Variants in SKI observed in about 807,000 individuals in gnomAD.
SKI encodes the protein SKI proto-oncogene.
Under a neutral mutation model 59.3 loss-of-function variants are expected in SKI, and 23 were observed. The ratio of observed to expected loss-of-function variants is 0.39; its 90% CI spans 0.28 to 0.55. SKI has a LOEUF of 0.55. Ranked by LOEUF, SKI falls within the 20% of genes least tolerant of loss-of-function variation. The pLI is 0.67. For missense variants in SKI, 1,017 were observed against 1,038.9 expected (o/e 0.98, Z 0.29); for synonymous variants, 673 against 488.6 (o/e 1.38, Z -4.98).
intron 1 of SKI, among the ~76,000 whole-genome samples, chr1:2,274,815 G>T (rs1639705663): frequency 6.6e-6 from 1 of 152,192 alleles, no homozygotes; most frequent in African/African-American, 2.4e-5. Flanking sequence ...AGGGCCGGCT[G>T]CTGCCCCTTG....
At chr1:2,237,376 G>A (rs1166320668) in intron 1 of SKI, among the ~76,000 whole-genome samples, 1 of 152,252 alleles carries the variant, frequency 6.6e-6, no homozygotes, top group East Asian at 1.9e-4. Context: ...CTGCGGCTGT[G>A]CCGGTGGTTT....
chr1:2,254,413 G>A (rs1243528484), intron 1 of SKI, among the ~76,000 whole-genome samples: 1 of 152,228 alleles, frequency 6.6e-6, no homozygotes, highest in East Asian at 1.9e-4. Context: ...GTCCCAAACA[G>A]CCCTGAAATG....
At position 2,307,137 on chromosome 1, in the gene SKI, C is replaced by G. The variant is rs1184311414; in HGVS notation, c.*372C>G. 6.3e-6 allele frequency: 1 copy of G among 159,184 alleles called. No homozygotes were observed. The highest frequency in any genetic ancestry group is 2.4e-5 in the African/African-American group (1 of 41,730). 9.9% of individuals were successfully genotyped at this position (159,184 alleles called of 1,614,324 possible). On this transcript the variant is annotated 3_prime_UTR_variant, in exon 7 of 7. Transcript: ENST00000378536. ...TTAAATGACTAACTTCTAAAAGCCC[C>G]AACACATGACGCCATCTGAAGACCC...
In SKI at chr1:2,228,932, G is replaced by A; in HGVS notation, c.166G>A (p.Gly56Ser). Reference sequence around the variant, plus strand: ...CAAGAAGGAGAGCGCCAAGGAGGCGGGCGCGGCCGCGGTGCCGGCGCCGGT... The same window carrying A: ...CAAGAAGGAGAGCGCCAAGGAGGCGAGCGCGGCCGCGGTGCCGGCGCCGGT... The part of the protein sequence containing the change: ...AYKKESAKEA[G>S]AAAVPAPVPA... The change falls in exon 1 of 7, where the codon GGC (glycine) becomes AGC (serine). Residue 56 changes from glycine (G) to serine (S), a missense_variant. Physicochemically the swap from Gly to Ser is moderately conservative, Grantham distance 56 (BLOSUM62 0). Transcript: ENST00000378536. 2 of 1,384,544 alleles carry A rather than the reference G, an allele frequency of 1.4e-6. No individual in the cohort carries two copies. Among genetic ancestry groups the A allele is most frequent in the South Asian group, 2.9e-5 (2 of 69,706 alleles). 85.8% of individuals were successfully genotyped at this position (1,384,544 alleles called of 1,614,324 possible).
chr1:2,252,180 A>G (rs1263512968), intron 1 of SKI, among the ~76,000 whole-genome samples: 1 of 152,196 alleles, frequency 6.6e-6, no homozygotes, highest in Non-Finnish European at 1.5e-5. Context: ...CTCCAGTTTA[A>G]TAACAAACTT....
chr1:2,289,221 G>A (rs1177659380), intron 1 of SKI, among the ~76,000 whole-genome samples: 1 of 152,208 alleles, frequency 6.6e-6, no homozygotes, highest in African/African-American at 2.4e-5. Context: ...TCTCTAGGCA[G>A]GGAGCTCAGA....
intron 1 of SKI, among the ~76,000 whole-genome samples, chr1:2,235,854 C>T (rs912521231): frequency 2.6e-5 from 4 of 152,222 alleles, no homozygotes; most frequent in Non-Finnish European, 4.4e-5. Flanking sequence ...GCCTGTGGCC[C>T]TCAGCATGTG....
chr1:2,298,535 C>T (rs547067059), intron 1 of SKI, among the ~76,000 whole-genome samples: 33 of 152,180 alleles, frequency 2.2e-4, no homozygotes, highest in Non-Finnish European at 3.8e-4. Context: ...TGAGCAGAGG[C>T]GGGACCCTGC....
intron 1 of SKI, among the ~76,000 whole-genome samples, chr1:2,285,015 T>G (rs1640006282): frequency 1.3e-5 from 2 of 152,116 alleles, no homozygotes; most frequent in African/African-American, 4.8e-5. Flanking sequence ...CTTGCTAAAG[T>G]TTTATGATTT....
intron 1 of SKI, among the ~76,000 whole-genome samples, chr1:2,234,394 G>A (rs1332258051): frequency 2.6e-5 from 4 of 152,200 alleles, no homozygotes; most frequent in African/African-American, 7.2e-5. Context: ...ACGGTGGGGG[G>A]GCTAGTCCTC....
chr1:2,229,615 C>G lies in SKI; in HGVS notation c.849C>G (p.Ala283=), dbSNP rs751646892. 1 of 1,612,510 alleles carries G rather than the reference C, an allele frequency of 6.2e-7. No individual in the cohort carries two copies. The highest frequency in any genetic ancestry group is 1.7e-5 in the Admixed American group (1 of 60,010). The change falls in exon 1 of 7, where the codon GCC becomes GCG. Residue 283 remains alanine, a synonymous_variant. Coordinates refer to ENST00000378536, the MANE Select transcript of SKI (RefSeq NM_003036.4). This position sits in a 1 kb window ranked among gnomAD's most constrained non-coding sequence, Gnocchi z 6.3. The part of the protein sequence containing the change: ...HWGFDSANWR[A]YILLSQDYTG... ...GCTTCGACTCGGCCAACTGGCGGGCCTACATCCTGCTGAGCCAGGATTACA... is the reference window on the plus strand; with the variant it reads ...GCTTCGACTCGGCCAACTGGCGGGCGTACATCCTGCTGAGCCAGGATTACA...
chr1:2,302,512 G>A (rs1312192734), intron 1 of SKI, among the ~76,000 whole-genome samples: 1 of 152,152 alleles, frequency 6.6e-6, no homozygotes, highest in Admixed American at 6.5e-5. Flanking sequence ...CGTCGTGAGT[G>A]GCTCTCGCCG....
chr1:2,304,706 C>T, intron 5 of SKI, 121 bp downstream of exon 5: 1 of 1,424,502 alleles, frequency 7.0e-7, no homozygotes, highest in South Asian at 1.5e-5. Flanking sequence ...CTCCTCTCTG[C>T]CTCCACCTCA....
intron 1 of SKI, among the ~76,000 whole-genome samples, chr1:2,292,582 G>A (rs1640184928): frequency 6.6e-6 from 1 of 152,208 alleles, no homozygotes; most frequent in South Asian, 2.1e-4. Flanking sequence ...TGATGGAGGG[G>A]TGTGTACCTG....
intron 1 of SKI, among the ~76,000 whole-genome samples, chr1:2,234,472 C>T (rs990365602): frequency 6.6e-6 from 1 of 152,168 alleles, no homozygotes; most frequent in African/African-American, 2.4e-5. Flanking sequence ...TCTGAGTCTC[C>T]GGGTGAGGGC....
rs115956662 is a variant in SKI, at chr1:2,284,877, C to T, written c.970-18101C>T. On this transcript the variant is annotated intron_variant, in intron 1 of 6. Coordinates refer to ENST00000378536, the MANE Select transcript of SKI (RefSeq NM_003036.4). ...TCTCACTGAGGGTCTGACCCTGCTC[C>T]GCAGTGCAGTGTGGAGGTGGTTTTG... Among the ~76,000 whole-genome samples, 287 of 152,338 alleles carry T rather than the reference C, an allele frequency of 1.9e-3. 1 individual carries two copies. The highest frequency in any genetic ancestry group is 6.3e-3 in the African/African-American group (260 of 41,576).
chr1:2,249,735 C>T (rs1291362645), intron 1 of SKI, among the ~76,000 whole-genome samples: 2 of 152,228 alleles, frequency 1.3e-5, no homozygotes, highest in Admixed American at 1.3e-4. Flanking sequence ...TGGGGCCTCC[C>T]TGTCCTGCCT....
chr1:2,303,438 G>A lies in SKI; in HGVS notation c.1211+38G>A, dbSNP rs1461764286. 2.6e-6 allele frequency: 4 copies of A among 1,564,962 alleles called. No homozygotes were observed. Among genetic ancestry groups the A allele is most frequent in the South Asian group, 1.1e-5 (1 of 90,206 alleles). On this transcript the variant is annotated intron_variant, in intron 3 of 6. Coordinates refer to ENST00000378536, the MANE Select transcript of SKI (RefSeq NM_003036.4). This position sits in a 1 kb window ranked among gnomAD's most constrained non-coding sequence, Gnocchi z 5.6. ...CATTCACAGGTGTTTCTGATCACGG[G>A]GGAGGCTCCACGAGGGCTGTGCATG...
chr1:2,304,134 CTG>C, intron 4 of SKI, 32 bp downstream of exon 4: 1 of 1,608,894 alleles, frequency 6.2e-7, no homozygotes, highest in Non-Finnish European at 8.5e-7. Context: ...TGCCTCCTCC[CTG>C]TGGGCTGTGG....
Sources: allele counts gnomAD v4.1 joint callset (sites outside exome capture counted in the v4.1 genomes callset), GRCh38; gene constraint gnomAD v4.1.1; non-coding constraint Gnocchi (gnomAD v3.1); transcripts MANE v1.5; gene names NCBI Gene and HGNC (gene_info 2026-07-23, HGNC 2026-07-21).